KALRN: variants seen among roughly 807,000 people sequenced by gnomAD.
The protein encoded by KALRN is kalirin RhoGEF kinase.
In KALRN, 70 loss-of-function variants were observed where a neutral mutation model predicts 353.7. The ratio of observed to expected loss-of-function variants is 0.20; its 90% CI spans 0.16 to 0.24. The LOEUF (loss-of-function observed/expected upper bound fraction) is 0.24, where lower values mean the gene tolerates loss of function less well. Among genes scored for constraint, KALRN ranks in the 10% least tolerant of loss-of-function variants. KALRN has a pLI of 1.00. For missense variants in KALRN, 2,791 were observed against 3,756.7 expected, an observed-to-expected ratio of 0.74 and a Z score of 6.72; for synonymous variants, 1,391 against 1,434.8, an observed-to-expected ratio of 0.97 and a Z score of 0.69.
intron 1 of KALRN, among the ~76,000 whole-genome samples, chr3:124,185,166 C>T (rs2074065302): frequency 6.6e-6 from 1 of 152,200 alleles, no homozygotes; most frequent in South Asian, 2.1e-4. Flanking sequence ...CATGTTCATG[C>T]CACTGCACCT....
At chr3:124,398,652 A>C (rs763861972) in intron 12 of KALRN, 45 bp from the exon 13 acceptor site, 1 of 1,603,394 alleles carries the variant, frequency 6.2e-7, no homozygotes. Context: ...CACTTTTAAC[A>C]TGGAAAGGCC....
At chr3:124,672,879 A>T (rs374283329) in intron 48 of KALRN, among the ~76,000 whole-genome samples, 1 of 152,178 alleles carries the variant, frequency 6.6e-6, no homozygotes, top group Non-Finnish European at 1.5e-5. Context: ...GAACACTTAC[A>T]TTTTTTATCT....
At chr3:124,221,837 A>G (rs913158004) in intron 1 of KALRN, among the ~76,000 whole-genome samples, 1 of 152,130 alleles carries the variant, frequency 6.6e-6, no homozygotes, top group African/African-American at 2.4e-5. Context: ...ATTGGGGGAA[A>G]TGGACACTCG....
intron 34 of KALRN, among the ~76,000 whole-genome samples, chr3:124,566,754 T>C (rs921541750): frequency 2.6e-5 from 4 of 152,222 alleles, no homozygotes; most frequent in Non-Finnish European, 1.5e-5. Flanking sequence ...TTGTCTCCAG[T>C]GGGTGCTTTA....
At chr3:124,555,618 GA>G (rs986774215) in intron 33 of KALRN, among the ~76,000 whole-genome samples, 13 of 150,984 alleles carry the variant, frequency 8.6e-5, no homozygotes, top group African/African-American at 9.7e-5. Context: ...AAGGGGCTGA[GA>G]AAAAAAAATT....
chr3:124,285,696 T>A (rs1032331932), intron 5 of KALRN, among the ~76,000 whole-genome samples: 2 of 152,084 alleles, frequency 1.3e-5, no homozygotes, highest in Non-Finnish European at 2.9e-5. Flanking sequence ...CCACCATGCC[T>A]GGCTAATTTT....
In KALRN at chr3:124,334,595, A is replaced by G. The variant is rs2080932184; in HGVS notation, c.1647+100A>G. On this transcript the variant is annotated intron_variant, in intron 9 of 59. Transcript: ENST00000682506. This position sits in a 1 kb window ranked among gnomAD's most constrained non-coding sequence, Gnocchi z 4.2. ...ATCAGGCTTAGGAGAGCCCAGATTT[A>G]TAGAAGGACATAATGAAATTCAGCT... 1.4e-6 allele frequency: 1 copy of G among 733,256 alleles called. No homozygotes were observed. Among genetic ancestry groups the G allele is most frequent in the Admixed American group, 2.8e-5 (1 of 36,250 alleles). 45.4% of individuals were successfully genotyped at this position (733,256 alleles called of 1,614,324 possible).
Position 124,264,535 on chromosome 3 carries a change from G to A in KALRN, c.301G>A (p.Asp101Asn). The A allele has an allele frequency of 1.2e-6, 2 of 1,613,962 alleles. No individual in the cohort carries two copies. The highest frequency in any genetic ancestry group is 1.7e-5 in the Admixed American group (1 of 60,006). Residue 101 changes from aspartate to asparagine, a missense_variant, in exon 4 of 60, where the codon GAC becomes AAC. Asp to Asn is a conservative substitution (Grantham distance 23). Transcript: ENST00000682506. ...CAAACGTGGCTTCACTGTCATCATCGACATGCGGGGCTCCAAGTGGGACCT... is the reference window on the plus strand; with the variant it reads ...CAAACGTGGCTTCACTGTCATCATCAACATGCGGGGCTCCAAGTGGGACCT... ...VCKRGFTVII[D>N]MRGSKWDLIK...
chr3:124,256,133 G>C (rs1452300952), intron 3 of KALRN, among the ~76,000 whole-genome samples: 1 of 152,204 alleles, frequency 6.6e-6, no homozygotes, highest in East Asian at 1.9e-4. Flanking sequence ...GATTTGCTCA[G>C]ACAGGAACCT....
At chr3:124,156,933 C>A (rs1465063363) in intron 1 of KALRN, among the ~76,000 whole-genome samples, 1 of 152,136 alleles carries the variant, frequency 6.6e-6, no homozygotes, top group East Asian at 1.9e-4. Context: ...CACAGAATGG[C>A]TATTTTAGGC....
chr3:124,705,990 C>A (rs1297867613), intron 57 of KALRN, among the ~76,000 whole-genome samples: 1 of 152,088 alleles, frequency 6.6e-6, no homozygotes, highest in African/African-American at 2.4e-5. Context: ...TGGTTCACTG[C>A]ATCCTTGACC....
chr3:124,264,407 G>A, intron 3 of KALRN, 91 bp from the exon 4 acceptor site: 1 of 1,029,536 alleles, frequency 9.7e-7, no homozygotes, highest in Non-Finnish European at 1.4e-6. Context: ...TTCTGGTCAA[G>A]GGGAGTGCAG....
chr3:124,209,683 GA>G (rs1290805059), intron 1 of KALRN, among the ~76,000 whole-genome samples: 1 of 152,036 alleles, frequency 6.6e-6, no homozygotes, highest in Non-Finnish European at 1.5e-5. Context: ...CCTAGAACTT[GA>G]AAAGAAAGGA....
intron 6 of KALRN, among the ~76,000 whole-genome samples, chr3:124,306,261 A>G (rs2149267798): frequency 6.6e-6 from 1 of 151,882 alleles, no homozygotes; most frequent in East Asian, 1.9e-4. Context: ...TTTTGTAAAT[A>G]TGGGATTTTG....
rs1401361819 is a variant in KALRN at position 124,712,580 on chromosome 3, G to A, written c.8076-355G>A. On this transcript the variant is annotated intron_variant, in intron 57 of 59. Transcript: ENST00000682506. Reference sequence around the variant, plus strand: ...AGGCCGAAGCAAGAGGCTTGAGCCTGGAAAGTTGAGGCTGAAGTGAGCCAT... The same window carrying A: ...AGGCCGAAGCAAGAGGCTTGAGCCTAGAAAGTTGAGGCTGAAGTGAGCCAT... 1.5e-4 allele frequency among the ~76,000 whole-genome samples: 23 copies of A among 150,466 alleles called. 1 individual carries two copies. Among genetic ancestry groups the A allele is most frequent in the Admixed American group, 1.5e-3 (23 of 15,078 alleles).
intron 2 of KALRN, among the ~76,000 whole-genome samples, chr3:124,228,408 G>A (rs1395813012): frequency 6.6e-6 from 1 of 152,186 alleles, no homozygotes; most frequent in African/African-American, 2.4e-5. Context: ...CATGGATCAG[G>A]GACGGGAGAT....
At chr3:124,286,127 C>CTTTCTTTCTTTCTTTCTTTCTT (rs2075860957) in intron 5 of KALRN, among the ~76,000 whole-genome samples, 1 of 144,170 alleles carries the variant, frequency 6.9e-6, no homozygotes, top group South Asian at 2.2e-4. Flanking sequence ...TTCTTTCTTT[C>CTTTCTTTCTTTCTTTCTTTCTT]TTTCTTTCTT....
intron 6 of KALRN, among the ~76,000 whole-genome samples, chr3:124,323,475 C>T (rs558229021): frequency 6.6e-6 from 1 of 152,244 alleles, no homozygotes; most frequent in East Asian, 1.9e-4. Flanking sequence ...AGAGCCTGGC[C>T]CACTCTCCGT....
intron 1 of KALRN, among the ~76,000 whole-genome samples, chr3:124,124,496 A>G (rs563986515): frequency 6.6e-6 from 1 of 152,366 alleles, no homozygotes; most frequent in African/African-American, 2.4e-5. Context: ...AACTTAGTTG[A>G]TAAAGCAGCA....
Sources: gnomAD v4.1 joint callset for allele counts (sites outside exome capture counted in the v4.1 genomes callset) on GRCh38, gnomAD v4.1.1 for gene constraint, Gnocchi (gnomAD v3.1) non-coding constraint, MANE v1.5 for transcripts, NCBI Gene and HGNC (gene_info 2026-07-23, HGNC 2026-07-21) for gene names.